RAPGEF4: variants seen among roughly 807,000 people sequenced by gnomAD.
The protein encoded by RAPGEF4 is Rap guanine nucleotide exchange factor 4.
RAPGEF4 carries 66 observed loss-of-function variants against 147.9 expected under a neutral mutation model. The ratio of observed to expected loss-of-function variants is 0.45; its 90% CI spans 0.37 to 0.55. The LOEUF is 0.55. Among genes scored for constraint, RAPGEF4 ranks in the 20% least tolerant of loss-of-function variants. The probability of loss-of-function intolerance (pLI) is 0.00; values close to 1 mark genes in which losing one functional copy is unlikely to be tolerated. For missense variants in RAPGEF4, 1,071 were observed against 1,257.3 expected (o/e 0.85, Z 2.24); for synonymous variants, 419 against 442.7 (o/e 0.95, Z 0.67).
chr2:172,830,501 C>T (rs1696659502), intron 4 of RAPGEF4, among the ~76,000 whole-genome samples: 1 of 152,190 alleles, frequency 6.6e-6, no homozygotes, highest in Non-Finnish European at 1.5e-5. Context: ...AAACTGTCCA[C>T]ATTTAAAAAT....
chr2:172,827,882 G>A (rs1447197939), intron 4 of RAPGEF4, among the ~76,000 whole-genome samples: 4 of 152,122 alleles, frequency 2.6e-5, no homozygotes, highest in Admixed American at 6.5e-5. Flanking sequence ...CTCAGCTCTC[G>A]CTGCTGCCCA....
At chr2:172,804,781 A>G (rs1687318702) in intron 3 of RAPGEF4, among the ~76,000 whole-genome samples, 1 of 152,208 alleles carries the variant, frequency 6.6e-6, no homozygotes. Flanking sequence ...AAAATTATAT[A>G]TTAAAAAAAG....
At chr2:173,003,232 C>T (rs140229200) in intron 17 of RAPGEF4, among the ~76,000 whole-genome samples, 24 of 151,172 alleles carry the variant, frequency 1.6e-4, no homozygotes, top group African/African-American at 5.6e-4. Context: ...TTTAAAATAG[C>T]GCTCTGGAGA....
At chr2:172,750,685 G>A (rs746958803) in intron 1 of RAPGEF4, among the ~76,000 whole-genome samples, 1 of 152,092 alleles carries the variant, frequency 6.6e-6, no homozygotes, top group African/African-American at 2.4e-5. Context: ...CATTCTAACA[G>A]GTGTGACATT....
rs1453866764 is a variant in RAPGEF4, at chr2:172,963,511, AT to A, written c.699-2050del. Among the ~76,000 whole-genome samples, 6 of 152,314 alleles carry A rather than the reference AT, an allele frequency of 3.9e-5. No homozygotes were observed. In the East Asian group the frequency reaches 1.2e-3, roughly 29 times the overall value. ...TAGGGAAAATTTATTAAAATATGTC[AT>A]GTTTGATGATAGATAATGGAAACTA... On this transcript the variant is annotated intron_variant, in intron 8 of 30. Transcript: ENST00000397081.
At chr2:172,957,681 C>T (rs993761979) in intron 6 of RAPGEF4, among the ~76,000 whole-genome samples, 2 of 152,232 alleles carry the variant, frequency 1.3e-5, no homozygotes, top group Non-Finnish European at 1.5e-5. Flanking sequence ...CTCCTCAAGG[C>T]ATCCTTCATT....
intron 1 of RAPGEF4, among the ~76,000 whole-genome samples, chr2:172,772,896 A>C (rs1683770509): frequency 6.6e-6 from 1 of 152,208 alleles, no homozygotes; most frequent in Non-Finnish European, 1.5e-5. Context: ...CTAACAGTGA[A>C]TCACAAGCAC....
intron 4 of RAPGEF4, among the ~76,000 whole-genome samples, chr2:172,849,723 G>T (rs1023845350): frequency 6.6e-6 from 1 of 152,170 alleles, no homozygotes; most frequent in Admixed American, 6.5e-5. Context: ...GACCTGCTTA[G>T]ACCACTAAGA....
intron 4 of RAPGEF4, among the ~76,000 whole-genome samples, chr2:172,815,756 A>G (rs745312537): frequency 1.3e-5 from 2 of 152,202 alleles, no homozygotes; most frequent in Non-Finnish European, 2.9e-5. Flanking sequence ...AATTGCTGAG[A>G]GAGGATGGTT....
At chr2:172,933,941 G>T (rs982561026) in intron 6 of RAPGEF4, among the ~76,000 whole-genome samples, 23 of 152,008 alleles carry the variant, frequency 1.5e-4, no homozygotes, top group Admixed American at 1.5e-3. Flanking sequence ...ACTTTAAATG[G>T]CTATGGCCTG....
intron 4 of RAPGEF4, among the ~76,000 whole-genome samples, chr2:172,862,701 C>T (rs1424540907): frequency 6.6e-6 from 1 of 152,182 alleles, no homozygotes; most frequent in Non-Finnish European, 1.5e-5. Flanking sequence ...CCTCCCTCTT[C>T]AGATTTGAGG....
intron 4 of RAPGEF4, among the ~76,000 whole-genome samples, chr2:172,830,668 A>G (rs1042088868): frequency 1.3e-5 from 2 of 152,214 alleles, no homozygotes; most frequent in Non-Finnish European, 2.9e-5. Flanking sequence ...CAGTGGTGCA[A>G]TCACGGCTCG....
At chr2:172,961,524 T>G (rs1334150357) in intron 8 of RAPGEF4, among the ~76,000 whole-genome samples, 1 of 152,214 alleles carries the variant, frequency 6.6e-6, no homozygotes, top group Non-Finnish European at 1.5e-5. Context: ...CCTACTAGAT[T>G]TAGATCACAT....
intron 4 of RAPGEF4, among the ~76,000 whole-genome samples, chr2:172,832,669 G>A (rs184372084): frequency 1.3e-4 from 20 of 152,266 alleles, no homozygotes; most frequent in African/African-American, 3.9e-4. Context: ...ATTCTTACTA[G>A]GGCAGTGGAA....
chr2:172,933,446 G>A (rs1488685827), intron 6 of RAPGEF4, among the ~76,000 whole-genome samples: 1 of 152,114 alleles, frequency 6.6e-6, no homozygotes, highest in Non-Finnish European at 1.5e-5. Context: ...TGGAGACCTG[G>A]TTTCAAGGTC....
intron 1 of RAPGEF4, among the ~76,000 whole-genome samples, chr2:172,789,569 T>A (rs1559042284): frequency 1.3e-5 from 2 of 152,232 alleles, no homozygotes; most frequent in Non-Finnish European, 2.9e-5. Flanking sequence ...CTCTAGAGCT[T>A]ATTCATCTTT....
At chr2:172,928,475 G>A (rs1179127819) in intron 6 of RAPGEF4, 1 of 251,396 alleles carries the variant, frequency 4.0e-6, no homozygotes, top group African/African-American at 2.2e-5. Context: ...GGTTGCTTTT[G>A]AATGTCCTGG....
At chr2:173,006,531 G>T (rs1395614553) in intron 17 of RAPGEF4, among the ~76,000 whole-genome samples, 2 of 152,094 alleles carry the variant, frequency 1.3e-5, no homozygotes, top group East Asian at 1.9e-4. Flanking sequence ...TATAGAACAT[G>T]GATTTGCCAC....
chr2:172,906,249 A>G (rs1350371736), intron 4 of RAPGEF4, among the ~76,000 whole-genome samples: 1 of 152,164 alleles, frequency 6.6e-6, no homozygotes, highest in Non-Finnish European at 1.5e-5. Flanking sequence ...TTATGATCTC[A>G]GCTTTAGTAT....
Sources: allele counts gnomAD v4.1 joint callset (sites outside exome capture counted in the v4.1 genomes callset), GRCh38; gene constraint gnomAD v4.1.1; transcripts MANE v1.5; gene names NCBI Gene and HGNC (gene_info 2026-07-23, HGNC 2026-07-21).